The following CACHD1 variants were observed in gnomAD, a reference collection of about 807,000 sequenced individuals.
CACHD1 encodes cache domain containing 1, also known as VWFA and cache domain-containing protein 1.
A neutral mutation model predicts 138.7 loss-of-function variants in CACHD1; 71 were observed. The ratio of observed to expected loss-of-function variants is 0.51; its 90% CI spans 0.42 to 0.62. CACHD1 has a LOEUF of 0.62. Ranked by LOEUF, CACHD1 falls within the 20% of genes least tolerant of loss-of-function variation. CACHD1 has a pLI of 0.00. For synonymous variants in CACHD1, 578 were observed against 591.5 expected, an observed-to-expected ratio of 0.98 and a Z score of 0.33; for missense variants, 1,389 against 1,625.3, an observed-to-expected ratio of 0.85 and a Z score of 2.50.
At chr1:64,499,988 GAATCCTTATT>G (rs1015304551) in intron 1 of CACHD1, among the ~76,000 whole-genome samples, 1 of 152,152 alleles carries the variant, frequency 6.6e-6, no homozygotes, top group East Asian at 1.9e-4. Flanking sequence ...GGTAACAAAT[GAATCCTTATT>G]ATTTCAGTGA....
At chr1:64,627,646 A>G (rs536766797) in intron 4 of CACHD1, among the ~76,000 whole-genome samples, 1 of 152,232 alleles carries the variant, frequency 6.6e-6, no homozygotes, top group South Asian at 2.1e-4. Context: ...CCCATTTCAT[A>G]ATGTAATTCC....
chr1:64,641,536 A>G (rs1459521361), intron 7 of CACHD1, among the ~76,000 whole-genome samples: 1 of 152,148 alleles, frequency 6.6e-6, no homozygotes, highest in Non-Finnish European at 1.5e-5. Flanking sequence ...AATTACTATA[A>G]CCATTGGTGC....
chr1:64,509,129 C>A (rs1570315691), intron 1 of CACHD1, among the ~76,000 whole-genome samples: 1 of 152,022 alleles, frequency 6.6e-6, no homozygotes, highest in African/African-American at 2.4e-5. Context: ...TTAGCTTGTT[C>A]CTAACTATGA....
intron 4 of CACHD1, among the ~76,000 whole-genome samples, chr1:64,607,821 A>G (rs1647388105): frequency 6.6e-6 from 1 of 152,202 alleles, no homozygotes; most frequent in South Asian, 2.1e-4. Flanking sequence ...TCAGAGAATT[A>G]GAAAGCAAGA....
Position 64,570,929 on chromosome 1 carries a change from A to G in CACHD1, c.262-11227A>G, listed in dbSNP as rs548457451. On this transcript the variant is annotated intron_variant, in intron 2 of 26. Coordinates refer to ENST00000651257, the MANE Select transcript of CACHD1 (RefSeq NM_020925.4). ...AAATTTTTTTTCCCAATGATATTAA[A>G]AAAAAACTTGTACCTCTGGATCAAC... Among the ~76,000 whole-genome samples, 4 of 152,224 alleles carry G rather than the reference A, an allele frequency of 2.6e-5. No individual in the cohort carries two copies. In the South Asian group the frequency reaches 6.2e-4, roughly 24 times the overall value.
At chr1:64,658,958 C>CA in intron 13 of CACHD1, 85 bp downstream of exon 13, 3 of 1,185,556 alleles carry the variant, frequency 2.5e-6, no homozygotes, top group African/African-American at 1.6e-5. Flanking sequence ...CCCACCCCTC[C>CA]AAAAAAGATA....
chr1:64,593,001 T>C (rs1038377573), intron 3 of CACHD1, among the ~76,000 whole-genome samples: 5 of 152,094 alleles, frequency 3.3e-5, no homozygotes, highest in African/African-American at 7.2e-5. Context: ...AATTTTAAAT[T>C]GAGCATTTTA....
intron 9 of CACHD1, among the ~76,000 whole-genome samples, chr1:64,651,682 G>T (rs1225337337): frequency 6.6e-6 from 1 of 152,126 alleles, no homozygotes; most frequent in East Asian, 1.9e-4. Flanking sequence ...AAAATTAACA[G>T]ATGTGTGAAC....
At chr1:64,632,220 A>G (rs1215049031) in intron 5 of CACHD1, among the ~76,000 whole-genome samples, 3 of 147,106 alleles carry the variant, frequency 2.0e-5, no homozygotes. Flanking sequence ...TGCAGAAAGC[A>G]TTGGGTTAAA....
intron 1 of CACHD1, among the ~76,000 whole-genome samples, chr1:64,534,142 G>A (rs577968393): frequency 6.7e-6 from 1 of 149,860 alleles, no homozygotes; most frequent in Admixed American, 6.7e-5. Context: ...CTCCTGGGTT[G>A]CAGAAATTCT....
intron 26 of CACHD1, among the ~76,000 whole-genome samples, chr1:64,687,884 A>T (rs749449743): frequency 1.2e-4 from 19 of 152,102 alleles, no homozygotes; most frequent in Non-Finnish European, 2.6e-4. Flanking sequence ...CTTACAATTT[A>T]AGAAAGAATT....
intron 3 of CACHD1, among the ~76,000 whole-genome samples, chr1:64,594,663 CACTGCTT>C (rs902644128): frequency 7.9e-5 from 12 of 152,206 alleles, no homozygotes; most frequent in African/African-American, 2.9e-4. Flanking sequence ...AAACCTGCCT[CACTGCTT>C]ACGCTATTGA....
chr1:64,655,867 A>G (rs562887758), intron 12 of CACHD1, among the ~76,000 whole-genome samples: 2 of 152,332 alleles, frequency 1.3e-5, no homozygotes, highest in Admixed American at 1.3e-4. Flanking sequence ...TTTTTCTTGG[A>G]TGGACAAATC....
At chr1:64,636,014 G>A (rs1327572873) in intron 7 of CACHD1, among the ~76,000 whole-genome samples, 2 of 151,726 alleles carry the variant, frequency 1.3e-5, no homozygotes, top group Non-Finnish European at 2.9e-5. Context: ...AGGAGGCTGA[G>A]GCAGGAGAAT....
At chr1:64,483,935 C>G (rs1646226482) in intron 1 of CACHD1, among the ~76,000 whole-genome samples, 1 of 148,730 alleles carries the variant, frequency 6.7e-6, no homozygotes, top group South Asian at 2.2e-4. Context: ...AACCTTTGAA[C>G]TTGCTGCTCC....
chr1:64,564,534 T>G (rs1273210889), intron 2 of CACHD1, among the ~76,000 whole-genome samples: 1 of 152,208 alleles, frequency 6.6e-6, no homozygotes, highest in Non-Finnish European at 1.5e-5. Context: ...GTCTTTCTCC[T>G]GTCTTATGTC....
chr1:64,483,871 C>G (rs532454296), intron 1 of CACHD1, among the ~76,000 whole-genome samples: 55 of 146,040 alleles, frequency 3.8e-4, no homozygotes, highest in Admixed American at 2.4e-3. Flanking sequence ...CCTTCCCCCC[C>G]CCCCTTGCAT....
intron 7 of CACHD1, among the ~76,000 whole-genome samples, 169 bp from the exon 8 acceptor site, chr1:64,641,651 A>C (rs1333619290): frequency 6.6e-6 from 1 of 152,186 alleles, no homozygotes; most frequent in East Asian, 1.9e-4. Flanking sequence ...GGAATGGAAG[A>C]AAGGCAGAAG....
chr1:64,567,877 C>T (rs539863834), intron 2 of CACHD1, among the ~76,000 whole-genome samples: 36 of 152,294 alleles, frequency 2.4e-4, no homozygotes, highest in African/African-American at 8.7e-4. Flanking sequence ...TTTAAATGCT[C>T]AGTTGTCAGG....
Sources: allele counts gnomAD v4.1 joint callset (sites outside exome capture counted in the v4.1 genomes callset), GRCh38; gene constraint gnomAD v4.1.1; transcripts MANE v1.5; gene names NCBI Gene and HGNC (gene_info 2026-07-23, HGNC 2026-07-21).